The following ASB3 variants were observed in gnomAD, a reference collection of about 807,000 sequenced individuals.
The protein encoded by ASB3 is ankyrin repeat and SOCS box protein 3.
Under a neutral mutation model 54.5 loss-of-function variants are expected in ASB3, and 41 were observed. That is an observed-to-expected ratio of 0.75 (90% CI 0.59 to 0.98). ASB3 has a LOEUF of 0.98. Ranked by LOEUF, ASB3 falls within the 50% of genes least tolerant of loss-of-function variation. The pLI is 0.00. For synonymous variants in ASB3, 266 were observed against 221.2 expected (o/e 1.20, Z -1.80); for missense variants, 733 against 620.0 (o/e 1.18, Z -1.94).
intron 1 of ASB3, among the ~76,000 whole-genome samples, chr2:53,770,498 TAAAAA>T (rs76201682): frequency 4.6e-4 from 51 of 110,534 alleles, no homozygotes; most frequent in South Asian, 1.5e-3. Context: ...GAAGTTTATT[TAAAAA>T]AAAAAAAAAA....
In ASB3 at chr2:53,728,801, T is replaced by C. The variant is rs1394705518; in HGVS notation, c.515A>G (p.Lys172Arg). ...GATTCCAAAGTCATCCTGGCATTCC[T>C]TGTTTGCTCCTTTTCTAAGAAGCAA... ...IKLLLRKGAN[K>R]ECQDDFGITP... is the part of the protein sequence containing the mutation. Residue 172 changes from lysine to arginine, a missense_variant, in exon 5 of 10, where the codon AAG becomes AGG. Physicochemically the swap from Lys to Arg is conservative, Grantham distance 26 (BLOSUM62 2). Coordinates refer to ENST00000263634, the MANE Select transcript of ASB3 (RefSeq NM_016115.5). 4.3e-6 allele frequency: 7 copies of C among 1,612,530 alleles called. No homozygotes were observed. Among genetic ancestry groups the C allele is most frequent in the Non-Finnish European group, 5.9e-6 (7 of 1,179,214 alleles).
chr2:53,770,639 A>G (rs1227660596), intron 1 of ASB3, among the ~76,000 whole-genome samples: 1 of 152,132 alleles, frequency 6.6e-6, no homozygotes, highest in East Asian at 1.9e-4. Flanking sequence ...AGTCTTTGAA[A>G]TGGGAGAACA....
At chr2:53,699,022 T>A (rs866982887) in intron 8 of ASB3, among the ~76,000 whole-genome samples, 32 of 152,328 alleles carry the variant, frequency 2.1e-4, no homozygotes, top group African/African-American at 7.2e-4. Context: ...TACCTGAGAC[T>A]GGGTAATTTA....
At chr2:53,757,639 A>C (rs1010157845) in intron 2 of ASB3, among the ~76,000 whole-genome samples, 2 of 152,218 alleles carry the variant, frequency 1.3e-5, no homozygotes, top group Non-Finnish European at 2.9e-5. Context: ...TTGTATCTCC[A>C]AAGGGATCTA....
chr2:53,698,281 T>C (rs1669296791), intron 8 of ASB3, among the ~76,000 whole-genome samples: 1 of 152,196 alleles, frequency 6.6e-6, no homozygotes, highest in South Asian at 2.1e-4. Flanking sequence ...CTGGAATGCC[T>C]TCAAGGTTTT....
chr2:53,719,569 C>T (rs772570888), intron 5 of ASB3, among the ~76,000 whole-genome samples: 1 of 151,910 alleles, frequency 6.6e-6, no homozygotes, highest in Admixed American at 6.6e-5. Context: ...TCTAGAAAGA[C>T]GTCAGCCCCA....
chr2:53,727,367 A>G (rs952205492), intron 5 of ASB3, among the ~76,000 whole-genome samples: 9 of 152,184 alleles, frequency 5.9e-5, no homozygotes, highest in African/African-American at 2.2e-4. Flanking sequence ...AATAAACTGG[A>G]TTATTGGGCA....
In ASB3 at chr2:53,750,783, C is replaced by A; in HGVS notation, c.355G>T (p.Ala119Ser). The A allele has an allele frequency of 6.5e-7, 1 of 1,544,888 alleles. No individual in the cohort carries two copies. The highest frequency in any genetic ancestry group is 8.7e-7 in the Non-Finnish European group (1 of 1,148,728). ...TLEETTPLFLAVENGQIDVLR... is the reference protein window; with the variant it reads ...TLEETTPLFLSVENGQIDVLR... ...TCTGCACCACAAATAGCATACTTAC[C>A]TAAAAACAATGGTGTCGTTTCTTCT... Residue 119 changes from alanine (A) to serine (S), a missense_variant and splice_region_variant, in exon 3 of 10, where the codon GCT (alanine) becomes TCT (serine). By Grantham distance (99) the Ala-to-Ser change is moderately conservative. Transcript: ENST00000263634.
intron 3 of ASB3, among the ~76,000 whole-genome samples, chr2:53,737,032 A>G (rs1350076988): frequency 6.6e-6 from 1 of 152,242 alleles, no homozygotes; most frequent in Non-Finnish European, 1.5e-5. Flanking sequence ...TCTCTTTTTA[A>G]GATTCCCTCG....
intron 5 of ASB3, among the ~76,000 whole-genome samples, chr2:53,723,214 G>C (rs111623569): frequency 6.6e-6 from 1 of 151,944 alleles, no homozygotes; most frequent in African/African-American, 2.4e-5. Context: ...AACGGAAAAC[G>C]CTGCTCACGG....
At chr2:53,681,217 T>G (rs1668352294) in intron 9 of ASB3, among the ~76,000 whole-genome samples, 1 of 152,230 alleles carries the variant, frequency 6.6e-6, no homozygotes, top group African/African-American at 2.4e-5. Flanking sequence ...TGATTTCCTC[T>G]CTTTTGGGTA....
chr2:53,756,346 T>C lies in ASB3; in HGVS notation c.197-5405A>G, dbSNP rs545516176. 2.0e-5 allele frequency among the ~76,000 whole-genome samples: 3 copies of C among 152,288 alleles called. No individual in the cohort carries two copies. The South Asian group carries it at 6.2e-4, about 32-fold the overall frequency. ...TATTCCCTTTCTTTGCTTAAGCTAG[T>C]TTGAACTAGGTTTCTTTCACTCAGT... On this transcript the variant is annotated intron_variant, in intron 2 of 9. Coordinates refer to ENST00000263634, the MANE Select transcript of ASB3 (RefSeq NM_016115.5).
intron 2 of ASB3, among the ~76,000 whole-genome samples, chr2:53,764,352 T>C (rs1043252035): frequency 1.3e-5 from 2 of 152,096 alleles, no homozygotes; most frequent in Non-Finnish European, 2.9e-5. Context: ...GGCTTTAGAG[T>C]CAGAGAAATG....
rs550019554 is a variant in ASB3, at chr2:53,723,349, A to G, written c.604+5363T>C. Among the ~76,000 whole-genome samples the G allele has an allele frequency of 7.2e-5, 11 of 151,924 alleles. 1 individual carries two copies. The highest frequency in any genetic ancestry group is 2.4e-4 in the African/African-American group (10 of 41,418). ...TCAGAGTTTTTTGTTTTTGATTTTC[A>G]TAAGTTATTGGGGAACAGGTAGTGT... On this transcript the variant is annotated intron_variant, in intron 5 of 9. Coordinates refer to ENST00000263634, the MANE Select transcript of ASB3 (RefSeq NM_016115.5).
chr2:53,686,125 C>T (rs907387907), intron 9 of ASB3, among the ~76,000 whole-genome samples: 2 of 152,236 alleles, frequency 1.3e-5, no homozygotes, highest in East Asian at 3.9e-4. Flanking sequence ...TGGAAGAAGC[C>T]TCTTGAAGTG....
intron 9 of ASB3, among the ~76,000 whole-genome samples, chr2:53,691,442 CA>C (rs1205567840): frequency 1.3e-5 from 2 of 151,068 alleles, no homozygotes; most frequent in Admixed American, 6.6e-5. Flanking sequence ...AGTATCTTTT[CA>C]AAAAAAAATT....
Position 53,699,030 on chromosome 2 carries a change from T to A in ASB3, c.1238+1241A>T, listed in dbSNP as rs115522310. 9.2e-3 allele frequency among the ~76,000 whole-genome samples: 1,398 copies of A among 152,298 alleles called. 25 individuals are homozygous for A. The highest frequency in any genetic ancestry group is 0.032 in the African/African-American group (1,325 of 41,560). On this transcript the variant is annotated intron_variant, in intron 8 of 9. Coordinates refer to ENST00000263634, the MANE Select transcript of ASB3 (RefSeq NM_016115.5). Reference sequence around the variant, plus strand: ...AACTCAATACCTGAGACTGGGTAATTTATAAAGAAAGTACATTTATTTCTT... The same window carrying A: ...AACTCAATACCTGAGACTGGGTAATATATAAAGAAAGTACATTTATTTCTT...
At chr2:53,679,524 C>T (rs1014869218) in intron 9 of ASB3, among the ~76,000 whole-genome samples, 1 of 152,068 alleles carries the variant, frequency 6.6e-6, no homozygotes, top group Non-Finnish European at 1.5e-5. Flanking sequence ...AGGCTAATCC[C>T]GTCTCCAACT....
intron 5 of ASB3, among the ~76,000 whole-genome samples, chr2:53,720,669 G>C (rs1572904400): frequency 2.6e-5 from 4 of 152,112 alleles, no homozygotes; most frequent in African/African-American, 4.8e-5. Context: ...GCATTAGACA[G>C]ATCACTGAGG....
Sources: gnomAD v4.1 joint callset for allele counts (sites outside exome capture counted in the v4.1 genomes callset) on GRCh38, gnomAD v4.1.1 for gene constraint, MANE v1.5 for transcripts, NCBI Gene and HGNC (gene_info 2026-07-23, HGNC 2026-07-21) for gene names.